The following FBLN7 variants were observed in gnomAD, a reference collection of about 807,000 sequenced individuals.
The protein encoded by FBLN7 is fibulin-7.
In FBLN7, 31 loss-of-function variants were observed where a neutral mutation model predicts 44.0. The ratio of observed to expected loss-of-function variants is 0.70; its 90% CI spans 0.53 to 0.95. FBLN7 has a LOEUF of 0.95. Among genes scored for constraint, FBLN7 ranks in the 40% least tolerant of loss-of-function variants. The pLI, the probability that FBLN7 is intolerant of heterozygous loss-of-function variation, is 0.00. For missense variants in FBLN7, 573 were observed against 618.5 expected, an observed-to-expected ratio of 0.93 and a Z score of 0.78; for synonymous variants, 262 against 253.4, an observed-to-expected ratio of 1.03 and a Z score of -0.32.
Position 112,187,895 on chromosome 2 carries a change from C to A in FBLN7, c.*389C>A. 1 of 317,836 alleles carries A rather than the reference C, an allele frequency of 3.1e-6. No individual in the cohort carries two copies. The highest frequency in any genetic ancestry group is 4.5e-5 in the Admixed American group (1 of 21,996). The allele number at this position is 317,836 out of a possible 1,614,324, so 19.7% of individuals were successfully genotyped here. On this transcript the variant is annotated 3_prime_UTR_variant, in exon 8 of 8. Transcript: ENST00000331203. This position sits in a 1 kb window ranked among gnomAD's most constrained non-coding sequence, Gnocchi z 5.1. ...ATCAGCCCTTCTGCCTTTTTGTAGC[C>A]AGGCTTGCTATGAATGAAACGGTTC...
At chr2:112,175,587 G>T in intron 3 of FBLN7, 127 bp from the exon 4 acceptor site, 2 of 1,219,402 alleles carry the variant, frequency 1.6e-6, no homozygotes, top group South Asian at 1.4e-5. Flanking sequence ...AAGAGTGGGT[G>T]GGGTCAGGTA....
chr2:112,160,652 GCACA>G (rs1681718170), intron 2 of FBLN7, among the ~76,000 whole-genome samples: 2 of 5,404 alleles, frequency 3.7e-4, no homozygotes, highest in African/African-American at 1.4e-3. Context: ...ACACGCGCAC[GCACA>G]CGCGCACGCA....
At chr2:112,185,697 G>C (rs1337419666) in intron 7 of FBLN7, among the ~76,000 whole-genome samples, 1 of 152,102 alleles carries the variant, frequency 6.6e-6, no homozygotes, top group Admixed American at 6.6e-5. Flanking sequence ...CCAGGAGACA[G>C]GTATAGATCA....
At chr2:112,198,176 C>T in the FBLN7 span, among the ~76,000 whole-genome samples, 5 of 152,214 alleles carry the variant, frequency 3.3e-5, no homozygotes, top group East Asian at 5.8e-4. Flanking sequence ...GCAGCTGATT[C>T]GGCTCTTACC....
rs982545537 is a variant in FBLN7, at chr2:112,138,655, G to A, written c.-1G>A. 3.7e-6 allele frequency: 6 copies of A among 1,613,754 alleles called. No homozygotes were observed. The highest frequency in any genetic ancestry group is 1.7e-5 in the Admixed American group (1 of 59,994). On this transcript the variant is annotated 5_prime_UTR_variant, in exon 1 of 8. Coordinates refer to ENST00000331203, the MANE Select transcript of FBLN7 (RefSeq NM_153214.3). ...CAGGCAGCGGGATTCCGACTGGCAA[G>A]ATGGTGCCCAGCTCTCCGCGCGCGC...
chr2:112,243,701 C>T, the FBLN7 span, among the ~76,000 whole-genome samples: 3 of 152,080 alleles, frequency 2.0e-5, no homozygotes, highest in Non-Finnish European at 4.4e-5. Context: ...TATATAAATA[C>T]GTACATAACA....
intron 1 of FBLN7, among the ~76,000 whole-genome samples, chr2:112,141,031 C>A (rs1680621003): frequency 6.6e-6 from 1 of 152,234 alleles, no homozygotes; most frequent in African/African-American, 2.4e-5. Context: ...CCGGGACCCA[C>A]ATCCAGCAGA....
chr2:112,172,395 GT>G (rs1486681355), intron 3 of FBLN7, among the ~76,000 whole-genome samples: 1 of 152,070 alleles, frequency 6.6e-6, no homozygotes, highest in Non-Finnish European at 1.5e-5. Flanking sequence ...CTGGTTGTTA[GT>G]TCCATTGGAT....
chr2:112,182,111 C>G, intron 5 of FBLN7: 1 of 546,602 alleles, frequency 1.8e-6, no homozygotes, highest in Non-Finnish European at 3.1e-6. Flanking sequence ...TATGCCCAAG[C>G]CACACGCGCT....
intron 4 of FBLN7, among the ~76,000 whole-genome samples, 185 bp from the exon 5 acceptor site, chr2:112,181,554 G>C (rs542791329): frequency 6.6e-6 from 1 of 152,224 alleles, no homozygotes; most frequent in Non-Finnish European, 1.5e-5. Flanking sequence ...CGCCCCCTTC[G>C]CGTAGGCCCT....
At chr2:112,233,791 C>G in the FBLN7 span, among the ~76,000 whole-genome samples, 149 of 152,162 alleles carry the variant, frequency 9.8e-4, 1 homozygote, top group Middle Eastern at 0.034. Flanking sequence ...ATGGCATGAA[C>G]CCAGGAGGCG....
chr2:112,233,347 C>T, the FBLN7 span: 1 of 1,594,122 alleles, frequency 6.3e-7, no homozygotes, highest in Non-Finnish European at 8.6e-7. Context: ...ATCTCTGCAT[C>T]ATGATCAAAT....
At chr2:112,234,781 T>C in the FBLN7 span, among the ~76,000 whole-genome samples, 2,662 of 149,796 alleles carry the variant, frequency 0.018, 70 homozygotes, top group African/African-American at 0.058. Context: ...GCCTGGGCAA[T>C]AGAACGAGAC....
chr2:112,184,139 T>G (rs904548143), intron 6 of FBLN7, among the ~76,000 whole-genome samples: 1 of 152,194 alleles, frequency 6.6e-6, no homozygotes, highest in Non-Finnish European at 1.5e-5. Flanking sequence ...GGGCTGGTTC[T>G]GCTCCTGCAG....
At chr2:112,175,629 A>C (rs1682701685) in intron 3 of FBLN7, 85 bp from the exon 4 acceptor site, 2,520 of 1,227,336 alleles carry the variant, frequency 2.1e-3, no homozygotes, top group Non-Finnish European at 2.6e-3. Flanking sequence ...ATGTAAAGGA[A>C]GTTAACCCTT....
the FBLN7 span, chr2:112,238,634 G>A: frequency 1.2e-6 from 1 of 843,082 alleles, no homozygotes. Context: ...TGTTGAAGGT[G>A]GGTAATAGGT....
At chr2:112,203,225 A>G in the FBLN7 span, among the ~76,000 whole-genome samples, 1 of 152,200 alleles carries the variant, frequency 6.6e-6, no homozygotes, top group Non-Finnish European at 1.5e-5. Flanking sequence ...TCATGCAGGA[A>G]GTAAAGCCTA....
At chr2:112,180,922 CAAAAAAA>C (rs60214148) in intron 4 of FBLN7, among the ~76,000 whole-genome samples, 2 of 74,310 alleles carry the variant, frequency 2.7e-5, no homozygotes, top group African/African-American at 1.1e-4. Context: ...GACTCTGTCT[CAAAAAAA>C]AAAAAAAAAA....
At position 112,160,690 on chromosome 2, in the gene FBLN7, A is replaced by ACACAAG. The variant is rs1558879644; in HGVS notation, c.235+856_235+857insACAAGC. ...CACACGCACACGCAGACGCACGCAC[A>ACACAAG]CGCACACACGCACGCACACACACAA... On this transcript the variant is annotated intron_variant, in intron 2 of 7. Coordinates refer to ENST00000331203, the MANE Select transcript of FBLN7 (RefSeq NM_153214.3). Among the ~76,000 whole-genome samples, 484 of 128,690 alleles carry ACACAAG rather than the reference A, an allele frequency of 3.8e-3. 22 individuals carry two copies. The highest frequency in any genetic ancestry group is 8.8e-3 in the Middle Eastern group (2 of 226). 84.4% of individuals were successfully genotyped at this position (128,690 alleles called of 152,430 possible).
Sources: allele counts gnomAD v4.1 joint callset (sites outside exome capture counted in the v4.1 genomes callset), GRCh38; gene constraint gnomAD v4.1.1; non-coding constraint Gnocchi (gnomAD v3.1); transcripts MANE v1.5; gene names NCBI Gene and HGNC (gene_info 2026-07-23, HGNC 2026-07-21).